Variants in ATP10A observed in about 807,000 individuals in gnomAD.
ATP10A encodes ATPase phospholipid transporting 10A (putative), also known as phospholipid-transporting ATPase VA.
In ATP10A, 111 loss-of-function variants were observed where a neutral mutation model predicts 147.8. The ratio of observed to expected loss-of-function variants is 0.75; its 90% CI spans 0.64 to 0.88. ATP10A has a LOEUF of 0.88. ATP10A is among the 40% of genes least tolerant of loss of function. ATP10A has a pLI of 0.00. For missense variants in ATP10A, 1,927 were observed against 1,959.0 expected (o/e 0.98, Z 0.31); for synonymous variants, 875 against 841.6 (o/e 1.04, Z -0.69).
intron 4 of ATP10A, among the ~76,000 whole-genome samples, chr15:25,726,447 CTTTT>C (rs111819076): frequency 7.0e-6 from 1 of 142,074 alleles, no homozygotes; most frequent in Admixed American, 7.0e-5. Flanking sequence ...TGCTTTTTTT[CTTTT>C]TTTTTTTTGA....
At chr15:25,786,771 G>A (rs949541255) in intron 1 of ATP10A, among the ~76,000 whole-genome samples, 3 of 146,612 alleles carry the variant, frequency 2.0e-5, no homozygotes, top group East Asian at 2.0e-4. Flanking sequence ...GACTACAGGC[G>A]CCCACCACCA....
At chr15:25,703,129 G>A (rs999052066) in intron 12 of ATP10A, among the ~76,000 whole-genome samples, 16 of 152,174 alleles carry the variant, frequency 1.1e-4, no homozygotes, top group Non-Finnish European at 1.8e-4. Context: ...AGGCCGTGGC[G>A]GGCGGGTCAC....
intron 1 of ATP10A, among the ~76,000 whole-genome samples, chr15:25,810,004 A>G (rs1050807785): frequency 1.4e-4 from 18 of 124,976 alleles, no homozygotes; most frequent in Admixed American, 3.6e-4. Flanking sequence ...AACGGGAAGA[A>G]GGTCATTACA....
At chr15:25,762,104 T>C (rs752613520) in intron 2 of ATP10A, among the ~76,000 whole-genome samples, 6 of 152,130 alleles carry the variant, frequency 3.9e-5, no homozygotes, top group Non-Finnish European at 7.4e-5. Context: ...TCTCATGAGA[T>C]CTGATGGTCT....
chr15:25,681,346 C>T (rs578058946), intron 17 of ATP10A, among the ~76,000 whole-genome samples: 5 of 152,122 alleles, frequency 3.3e-5, no homozygotes, highest in East Asian at 1.9e-4. Context: ...CCATCTTTGT[C>T]GTTTATCCTT....
intron 1 of ATP10A, among the ~76,000 whole-genome samples, chr15:25,810,920 A>C (rs1295733735): frequency 6.6e-6 from 1 of 152,182 alleles, no homozygotes; most frequent in Non-Finnish European, 1.5e-5. Flanking sequence ...TTACAAAGGC[A>C]CACAAAGCCA....
chr15:25,734,808 A>T (rs1336393967), intron 3 of ATP10A, among the ~76,000 whole-genome samples: 1 of 152,088 alleles, frequency 6.6e-6, no homozygotes, highest in Non-Finnish European at 1.5e-5. Context: ...GACACATTTC[A>T]GCTTTTGCTG....
rs758814445 is a variant in ATP10A, at chr15:25,687,964, G to A, written c.3166-136C>T. On this transcript the variant is annotated intron_variant, in intron 15 of 20. Transcript: ENST00000555815. ...ACACAGTGCGAGCGTGGCCGGCCAGGGTCTCCATCGCTGTCGTCTCCCTCA... is the reference window on the plus strand; with the variant it reads ...ACACAGTGCGAGCGTGGCCGGCCAGAGTCTCCATCGCTGTCGTCTCCCTCA... 1.0e-4 allele frequency: 120 copies of A among 1,195,824 alleles called. 1 individual carries two copies. The highest frequency in any genetic ancestry group is 1.4e-4 in the Non-Finnish European group (117 of 820,306). The allele number at this position is 1,195,824 out of a possible 1,614,324, so 74.1% of individuals were successfully genotyped here.
intron 1 of ATP10A, among the ~76,000 whole-genome samples, chr15:25,782,814 T>C (rs1406959458): frequency 1.3e-5 from 2 of 152,070 alleles, no homozygotes; most frequent in Non-Finnish European, 2.9e-5. Context: ...GGAACATAAA[T>C]TTATCTGAAC....
At chr15:25,856,715 T>C (rs909774620) in intron 1 of ATP10A, among the ~76,000 whole-genome samples, 5 of 152,152 alleles carry the variant, frequency 3.3e-5, no homozygotes, top group African/African-American at 1.2e-4. Flanking sequence ...ACGTGTCTCC[T>C]AATGGAAGTG....
intron 3 of ATP10A, among the ~76,000 whole-genome samples, chr15:25,734,011 G>A (rs1887117835): frequency 6.6e-6 from 1 of 152,194 alleles, no homozygotes; most frequent in South Asian, 2.1e-4. Context: ...GTGCAGCCAG[G>A]CCTGGGGGTA....
At chr15:25,711,417 A>AC in intron 10 of ATP10A, among the ~76,000 whole-genome samples, 1 of 152,052 alleles carries the variant, frequency 6.6e-6, no homozygotes, top group African/African-American at 2.4e-5. Context: ...CCCCAAGTAA[A>AC]AGGCGAATGA....
intron 1 of ATP10A, among the ~76,000 whole-genome samples, chr15:25,807,857 C>A (rs930895077): frequency 6.6e-6 from 1 of 151,686 alleles, no homozygotes; most frequent in Non-Finnish European, 1.5e-5. Flanking sequence ...TGGTGACAAC[C>A]GGGGCTCTGA....
intron 16 of ATP10A, among the ~76,000 whole-genome samples, chr15:25,687,309 T>A (rs535854430): frequency 6.6e-6 from 1 of 152,062 alleles, no homozygotes; most frequent in Non-Finnish European, 1.5e-5. Context: ...GAGAAACCTA[T>A]GGACAGAGTG....
chr15:25,820,027 C>T (rs550536841), intron 1 of ATP10A, among the ~76,000 whole-genome samples: 1 of 152,094 alleles, frequency 6.6e-6, no homozygotes, highest in South Asian at 2.1e-4. Flanking sequence ...AGGCAAAATA[C>T]GCTTGTACCC....
intron 17 of ATP10A, among the ~76,000 whole-genome samples, chr15:25,682,755 G>A (rs1312391226): frequency 6.6e-6 from 1 of 152,228 alleles, no homozygotes; most frequent in Non-Finnish European, 1.5e-5. Context: ...TATTGCAGGA[G>A]AAATGAGACT....
chr15:25,751,929 T>C (rs1888174940), intron 2 of ATP10A, among the ~76,000 whole-genome samples: 1 of 152,204 alleles, frequency 6.6e-6, no homozygotes, highest in East Asian at 1.9e-4. Flanking sequence ...ACATCACTAG[T>C]CATTAGGAAA....
chr15:25,786,783 G>A (rs1401276294), intron 1 of ATP10A, among the ~76,000 whole-genome samples: 5 of 132,472 alleles, frequency 3.8e-5, no homozygotes, highest in Non-Finnish European at 8.1e-5. Flanking sequence ...CCACCACCAT[G>A]CCCAGCTAGT....
chr15:25,791,374 TTTAG>T (rs1181716684), intron 1 of ATP10A, among the ~76,000 whole-genome samples: 6 of 152,226 alleles, frequency 3.9e-5, no homozygotes, highest in Admixed American at 1.3e-4. Flanking sequence ...TTCTGATTTA[TTTAG>T]TTAGAGTCAG....
Sources: allele counts gnomAD v4.1 joint callset (sites outside exome capture counted in the v4.1 genomes callset), GRCh38; gene constraint gnomAD v4.1.1; transcripts MANE v1.5; gene names NCBI Gene and HGNC (gene_info 2026-07-23, HGNC 2026-07-21).